ARHGAP32: variants seen among roughly 807,000 people sequenced by gnomAD.
The protein encoded by ARHGAP32 is rho GTPase-activating protein 32.
ARHGAP32 carries 51 observed loss-of-function variants against 186.5 expected under a neutral mutation model. The observed-to-expected ratio is 0.27, with a 90% CI of 0.22 to 0.35. The LOEUF is 0.35. ARHGAP32 is among the 10% of genes least tolerant of loss of function. ARHGAP32 has a pLI of 1.00. For missense variants in ARHGAP32, 2,186 were observed against 2,623.5 expected (o/e 0.83, Z 3.64); for synonymous variants, 950 against 964.3 (o/e 0.99, Z 0.27).
chr11:129,193,595 T>A (rs1460822386), upstream of ARHGAP32, among the ~76,000 whole-genome samples: 4 of 64,336 alleles, frequency 6.2e-5, 1 homozygote, highest in African/African-American at 2.1e-4. Flanking sequence ...ATAATATATG[T>A]TATATATAAT....
At chr11:129,272,805 A>G (rs943748172) in intron 1 of ARHGAP32, among the ~76,000 whole-genome samples, 1 of 152,242 alleles carries the variant, frequency 6.6e-6, no homozygotes, top group Non-Finnish European at 1.5e-5. Flanking sequence ...CTCAGGAACA[A>G]GCTCACTTTG....
At chr11:128,989,563 T>C (rs994616848) in intron 12 of ARHGAP32, among the ~76,000 whole-genome samples, 274 of 115,462 alleles carry the variant, frequency 2.4e-3, no homozygotes, top group Non-Finnish European at 3.7e-3. Flanking sequence ...CACATACATA[T>C]ATCTTTTTTT....
chr11:129,198,339 CA>C (rs1473460653), intron 1 of ARHGAP32, among the ~76,000 whole-genome samples: 4 of 152,160 alleles, frequency 2.6e-5, no homozygotes, highest in Non-Finnish European at 5.9e-5. Flanking sequence ...ATGTCATTTA[CA>C]AATAGTGTGG....
chr11:129,257,266 C>A (rs748839254), intron 1 of ARHGAP32, among the ~76,000 whole-genome samples: 4 of 152,140 alleles, frequency 2.6e-5, no homozygotes, highest in Non-Finnish European at 5.9e-5. Flanking sequence ...TAGCAACTTA[C>A]AAGTTTGTGA....
chr11:129,193,733 A>C (rs1468471382), upstream of ARHGAP32, among the ~76,000 whole-genome samples: 5 of 85,584 alleles, frequency 5.8e-5, no homozygotes, highest in Non-Finnish European at 8.6e-5. Context: ...ATTATATATA[A>C]TATATATTAT....
intron 11 of ARHGAP32, among the ~76,000 whole-genome samples, chr11:129,027,084 G>A (rs1189241313): frequency 2.1e-5 from 3 of 144,356 alleles, no homozygotes; most frequent in South Asian, 2.2e-4. Flanking sequence ...GGGCAACAGC[G>A]CAAGACTCTG....
chr11:129,251,467 T>C (rs1430193670), intron 1 of ARHGAP32, among the ~76,000 whole-genome samples: 1 of 152,150 alleles, frequency 6.6e-6, no homozygotes, highest in Non-Finnish European at 1.5e-5. Context: ...GAAAATGACA[T>C]CTAAGTTGCT....
chr11:129,079,542 A>C (rs1288900369), intron 6 of ARHGAP32, among the ~76,000 whole-genome samples: 1 of 152,230 alleles, frequency 6.6e-6, no homozygotes, highest in Non-Finnish European at 1.5e-5. Flanking sequence ...CAGACAAACA[A>C]ATGTTGAGAG....
intron 1 of ARHGAP32, among the ~76,000 whole-genome samples, chr11:129,244,618 G>A (rs1423967789): frequency 6.6e-6 from 1 of 151,870 alleles, no homozygotes; most frequent in East Asian, 1.9e-4. Context: ...AAACTAAAGA[G>A]CTTCTGCACA....
chr11:129,243,773 CCT>C (rs1200986549), intron 1 of ARHGAP32, among the ~76,000 whole-genome samples: 1 of 152,104 alleles, frequency 6.6e-6, no homozygotes, highest in Admixed American at 6.5e-5. Context: ...CAGAATTTTA[CCT>C]CTCAGAATTC....
At chr11:129,180,111 T>C (rs1043261306) in intron 1 of ARHGAP32, among the ~76,000 whole-genome samples, 1 of 152,188 alleles carries the variant, frequency 6.6e-6, no homozygotes, top group African/African-American at 2.4e-5. Context: ...TATACCACTA[T>C]ATACAATTAT....
intron 2 of ARHGAP32, among the ~76,000 whole-genome samples, chr11:129,154,700 G>A (rs1943362456): frequency 6.6e-6 from 1 of 152,116 alleles, no homozygotes; most frequent in African/African-American, 2.4e-5. Flanking sequence ...AAAGGCATAA[G>A]ACTGATATAA....
chr11:129,117,656 C>T (rs1942406020), intron 5 of ARHGAP32, among the ~76,000 whole-genome samples: 1 of 151,934 alleles, frequency 6.6e-6, no homozygotes, highest in Non-Finnish European at 1.5e-5. Flanking sequence ...CTCTACCATT[C>T]AGGTTAATTT....
intron 1 of ARHGAP32, among the ~76,000 whole-genome samples, chr11:129,261,931 T>C (rs1278539043): frequency 6.6e-6 from 1 of 152,224 alleles, no homozygotes; most frequent in Non-Finnish European, 1.5e-5. Context: ...GTTCTGATGA[T>C]TTTTACAGCT....
chr11:129,070,792 T>C (rs1037607016), intron 6 of ARHGAP32, among the ~76,000 whole-genome samples: 14 of 152,006 alleles, frequency 9.2e-5, no homozygotes, highest in African/African-American at 3.4e-4. Flanking sequence ...CTATTTCAAA[T>C]GCATCCTCAC....
At chr11:129,199,832 A>G (rs988041392) in intron 1 of ARHGAP32, among the ~76,000 whole-genome samples, 1 of 152,230 alleles carries the variant, frequency 6.6e-6, no homozygotes, top group African/African-American at 2.4e-5. Context: ...GTGAGCCTGG[A>G]AAAGCTGCAG....
intron 1 of ARHGAP32, among the ~76,000 whole-genome samples, chr11:129,173,965 G>C (rs1043129848): frequency 2.6e-5 from 4 of 152,150 alleles, no homozygotes; most frequent in Admixed American, 6.5e-5. Flanking sequence ...GAACAGCTCC[G>C]GTCCACAGCT....
Position 129,092,313 on chromosome 11 carries a change from T to G in ARHGAP32, c.531+1308A>C, listed in dbSNP as rs148589110. Among the ~76,000 whole-genome samples the G allele has an allele frequency of 5.5e-3, 838 of 151,942 alleles. 3 individuals carry two copies. The highest frequency in any genetic ancestry group is 0.019 in the African/African-American group (782 of 41,516). ...TCTCGAAGCATATGGAAATTAACAG[T>G]GAGAAAAAAGAGATGCTAAAATGTC... On this transcript the variant is annotated intron_variant, in intron 6 of 22. Coordinates refer to ENST00000682385, the MANE Select transcript of ARHGAP32 (RefSeq NM_001378024.1).
At chr11:128,983,434 A>G (rs1455101086) in intron 15 of ARHGAP32, among the ~76,000 whole-genome samples, 2 of 151,818 alleles carry the variant, frequency 1.3e-5, no homozygotes, top group African/African-American at 4.8e-5. Flanking sequence ...CATAGGTGGG[A>G]ATTGAACAAT....
Sources: gnomAD v4.1 joint callset for allele counts (sites outside exome capture counted in the v4.1 genomes callset) on GRCh38, gnomAD v4.1.1 for gene constraint, MANE v1.5 for transcripts, NCBI Gene and HGNC (gene_info 2026-07-23, HGNC 2026-07-21) for gene names.